Variants in XRCC6 observed in about 807,000 individuals in gnomAD.
The protein encoded by XRCC6 is X-ray repair cross complementing 6.
XRCC6 carries 5 observed loss-of-function variants against 65.7 expected under a neutral mutation model. That is an observed-to-expected ratio of 0.08 (90% CI 0.04 to 0.16). The LOEUF (loss-of-function observed/expected upper bound fraction) is 0.16. XRCC6 is among the 10% of genes least tolerant of loss of function. The probability of loss-of-function intolerance (pLI) is 1.00; values close to 1 mark genes in which losing one functional copy is unlikely to be tolerated. For synonymous variants in XRCC6, 270 were observed against 270.6 expected, an observed-to-expected ratio of 1.00 and a Z score of 0.02; for missense variants, 447 against 738.1, an observed-to-expected ratio of 0.61 and a Z score of 4.57.
intron 7 of XRCC6, among the ~76,000 whole-genome samples, chr22:41,649,437 A>G (rs1319429102): frequency 6.6e-6 from 1 of 151,568 alleles, no homozygotes; most frequent in Non-Finnish European, 1.5e-5. Flanking sequence ...TGGCCTCACA[A>G]AGTATTGGGA....
At chr22:41,650,676 T>A (rs749325571) in intron 7 of XRCC6, 47 bp from the exon 8 acceptor site, 1 of 1,584,974 alleles carries the variant, frequency 6.3e-7, no homozygotes, top group East Asian at 2.2e-5. Context: ...TTATTTTGCA[T>A]CTCCTCGTAG....
chr22:41,641,607 C>A (rs1250960209), intron 6 of XRCC6, among the ~76,000 whole-genome samples: 1 of 152,136 alleles, frequency 6.6e-6, no homozygotes, highest in Non-Finnish European at 1.5e-5. Context: ...CATCACTACC[C>A]CCTTACCCTT....
At chr22:41,622,231 C>T in intron 2 of XRCC6, 145 bp downstream of exon 2, 1 of 884,058 alleles carries the variant, frequency 1.1e-6, no homozygotes, top group Non-Finnish European at 1.7e-6. Context: ...TTGAACTTCG[C>T]AGAGCTACCC....
At chr22:41,635,201 A>G (rs1298526050) in intron 3 of XRCC6, among the ~76,000 whole-genome samples, 1 of 152,222 alleles carries the variant, frequency 6.6e-6, no homozygotes, top group Admixed American at 6.5e-5. Flanking sequence ...CATAGTACCT[A>G]ATACAATGCC....
chr22:41,631,993 C>T (rs531322831), intron 3 of XRCC6, among the ~76,000 whole-genome samples: 1 of 152,246 alleles, frequency 6.6e-6, no homozygotes, highest in African/African-American at 2.4e-5. Context: ...TCAGGCGTGG[C>T]GGCACGCGCC....
chr22:41,651,950 A>C (rs1296697749), intron 8 of XRCC6, among the ~76,000 whole-genome samples: 1 of 151,712 alleles, frequency 6.6e-6, no homozygotes, highest in Non-Finnish European at 1.5e-5. Context: ...CGCCCGGCTA[A>C]ATTCTGTATT....
chr22:41,634,186 ATTTT>A (rs757276375), intron 3 of XRCC6, among the ~76,000 whole-genome samples: 1 of 140,430 alleles, frequency 7.1e-6, no homozygotes, highest in Non-Finnish European at 1.6e-5. Flanking sequence ...CCAAAACTTA[ATTTT>A]TTTTTTTTTT....
intron 9 of XRCC6, 94 bp from the exon 10 acceptor site, chr22:41,656,809 C>T (rs964468436): frequency 4.5e-6 from 7 of 1,568,354 alleles, no homozygotes; most frequent in Non-Finnish European, 6.0e-6. Flanking sequence ...CCAGCCCCAG[C>T]ACCACAGGAC....
chr22:41,638,776 C>CA (rs56677816), intron 6 of XRCC6, among the ~76,000 whole-genome samples: 28,057 of 65,452 alleles, frequency 0.43, 5,406 homozygotes, highest in African/African-American at 0.46. Context: ...GACTCCGCCT[C>CA]AAAAAAAAAA....
At chr22:41,637,058 G>A (rs2067817507) in intron 5 of XRCC6, among the ~76,000 whole-genome samples, 1 of 149,334 alleles carries the variant, frequency 6.7e-6, no homozygotes, top group South Asian at 2.1e-4. Flanking sequence ...AAAGGACTCT[G>A]TCAGAACAAG....
At chr22:41,625,302 G>A (rs1233565786) in intron 2 of XRCC6, among the ~76,000 whole-genome samples, 7 of 152,140 alleles carry the variant, frequency 4.6e-5, no homozygotes, top group Admixed American at 3.9e-4. Context: ...TTGCCATTTT[G>A]TTCTCCAGGA....
At chr22:41,624,203 G>T (rs1336484562) in intron 2 of XRCC6, among the ~76,000 whole-genome samples, 1 of 151,976 alleles carries the variant, frequency 6.6e-6, no homozygotes, top group Non-Finnish European at 1.5e-5. Context: ...TGGCCAACAT[G>T]GCAAAACCCC....
intron 2 of XRCC6, among the ~76,000 whole-genome samples, chr22:41,626,385 C>CA (rs2067673181): frequency 6.6e-6 from 1 of 152,226 alleles, no homozygotes; most frequent in African/African-American, 2.4e-5. Context: ...TCGTGATCCA[C>CA]ATGCCTCGGC....
rs1277401358 is a variant in XRCC6 at position 41,633,882 on chromosome 22, A to T, written c.196-2231A>T. Reference sequence around the variant, plus strand: ...ATTTGATAACCGATAATAAGTATTCAGTAGTTGATAAGCAATAGAAAACAT... The same window carrying T: ...ATTTGATAACCGATAATAAGTATTCTGTAGTTGATAAGCAATAGAAAACAT... On this transcript the variant is annotated intron_variant, in intron 3 of 12. Coordinates refer to ENST00000360079, the MANE Select transcript of XRCC6 (RefSeq NM_001469.5). Among the ~76,000 whole-genome samples, 3 of 152,350 alleles carry T rather than the reference A, an allele frequency of 2.0e-5. No individual in the cohort carries two copies. In the East Asian group the frequency reaches 5.8e-4, roughly 29 times the overall value.
intron 9 of XRCC6, among the ~76,000 whole-genome samples, chr22:41,655,144 A>C (rs924188214): frequency 5.3e-5 from 8 of 152,166 alleles, no homozygotes; most frequent in African/African-American, 1.9e-4. Flanking sequence ...GCCCCAAAGC[A>C]CAAGTGTAGT....
At chr22:41,621,825 C>G (rs1316065200) in intron 1 of XRCC6, 165 bp from the exon 2 acceptor site, 1 of 615,334 alleles carries the variant, frequency 1.6e-6, no homozygotes, top group Non-Finnish European at 2.8e-6. Flanking sequence ...GGCCCCCATG[C>G]GCATTTACAT....
At chr22:41,650,111 T>C (rs1032764572) in intron 7 of XRCC6, among the ~76,000 whole-genome samples, 3 of 151,910 alleles carry the variant, frequency 2.0e-5, no homozygotes, top group Middle Eastern at 3.2e-3. Context: ...TTTTTTTTCT[T>C]TTTTTGTGTT....
intron 8 of XRCC6, among the ~76,000 whole-genome samples, chr22:41,651,681 C>T (rs1413769394): frequency 2.6e-5 from 4 of 151,634 alleles, no homozygotes; most frequent in Admixed American, 6.6e-5. Context: ...GCACCTGCTA[C>T]CACGTCTAGC....
At chr22:41,649,139 A>AAAAAAAATATATAT in intron 7 of XRCC6, among the ~76,000 whole-genome samples, 5 of 88,722 alleles carry the variant, frequency 5.6e-5, no homozygotes, top group Admixed American at 1.7e-4. Context: ...AAAAAAAAAA[A>AAAAAAAATATATAT]ATATATATAT....
Sources: allele counts gnomAD v4.1 joint callset (sites outside exome capture counted in the v4.1 genomes callset), GRCh38; gene constraint gnomAD v4.1.1; transcripts MANE v1.5; gene names NCBI Gene and HGNC (gene_info 2026-07-23, HGNC 2026-07-21).